The following AKAP12 variants were observed in gnomAD, a reference collection of about 807,000 sequenced individuals.
The protein encoded by AKAP12 is A-kinase anchoring protein 12.
AKAP12 carries 32 observed loss-of-function variants against 79.9 expected under a neutral mutation model. That is an observed-to-expected ratio of 0.40 (90% CI 0.30 to 0.54). AKAP12 has a LOEUF of 0.54. Ranked by LOEUF, AKAP12 falls within the 20% of genes least tolerant of loss-of-function variation. The probability of loss-of-function intolerance (pLI) is 0.48; values close to 1 mark genes in which losing one functional copy is unlikely to be tolerated. For missense variants in AKAP12, 2,074 were observed against 2,177.0 expected (o/e 0.95, Z 0.94); for synonymous variants, 808 against 857.0 (o/e 0.94, Z 1.00).
At chr6:151,325,621 G>T (rs1040433393) in intron 3 of AKAP12, 6 of 1,371,756 alleles carry the variant, frequency 4.4e-6, no homozygotes, top group Admixed American at 3.2e-5. Context: ...GTGGCTGGGT[G>T]GGGGCGTGGG....
chr6:151,321,912 T>TGTTTTTTG, intron 3 of AKAP12, among the ~76,000 whole-genome samples: 1 of 143,470 alleles, frequency 7.0e-6, no homozygotes, highest in South Asian at 2.2e-4. Context: ...TGTTTTTTTT[T>TGTTTTTTG]TTTTTTTTTT....
In AKAP12 at chr6:151,349,575, A is replaced by C. The variant is rs762093745; in HGVS notation, c.1184A>C (p.Lys395Thr). 3.1e-5 allele frequency: 50 copies of C among 1,610,946 alleles called. No homozygotes were observed. The highest frequency in any genetic ancestry group is 3.8e-5 in the Non-Finnish European group (45 of 1,179,176). The stretch of plus-strand genomic sequence containing the variant: ...GGCTCGCAGGGACCTTCTGAAGAGA[A>C]ACCTGCTCCGTTGGCGACAGAAGTG... ...VSGSQGPSEEKPAPLATEVFD... is the reference protein window; with the variant it reads ...VSGSQGPSEETPAPLATEVFD... The change falls in exon 4 of 5, where the codon AAA becomes ACA. Residue 395 changes from lysine to threonine, a missense_variant. Transcript: ENST00000402676.
intron 3 of AKAP12, chr6:151,343,886 GAACAAATAGA>G: frequency 2.3e-6 from 1 of 432,358 alleles, no homozygotes; most frequent in Non-Finnish European, 4.4e-6. Flanking sequence ...TTTATAATAG[GAACAAATAGA>G]AACTTAAAGC....
At chr6:151,345,926 TGTGTGTGAGAGAGA>T (rs1778087540) in intron 3 of AKAP12, among the ~76,000 whole-genome samples, 2 of 107,492 alleles carry the variant, frequency 1.9e-5, no homozygotes, top group South Asian at 5.6e-4. Flanking sequence ...TGTGTGTGTG[TGTGTGTGAGAGAGA>T]GAGAGAGAGA....
intron 3 of AKAP12, among the ~76,000 whole-genome samples, chr6:151,332,718 AC>A (rs1777706981): frequency 1.3e-5 from 2 of 152,174 alleles, no homozygotes; most frequent in Admixed American, 6.5e-5. Context: ...AAGACCAGTG[AC>A]TAGCAGGACA....
rs1797045656 is a variant in AKAP12, at chr6:151,245,135, T to A, written c.162+4411T>A. 2.0e-5 allele frequency among the ~76,000 whole-genome samples: 3 copies of A among 152,208 alleles called. No homozygotes were observed. The South Asian group carries it at 6.2e-4, about 32-fold the overall frequency. ...CTAATAAATTATTTATTTTCCTTTG[T>A]CTTAGTTAGTTTTAATACATATTCA... On this transcript the variant is annotated intron_variant, in intron 2 of 4. Coordinates refer to ENST00000402676, the MANE Select transcript of AKAP12 (RefSeq NM_005100.4).
chr6:151,300,610 TCTC>T (rs780624192), intron 2 of AKAP12, among the ~76,000 whole-genome samples: 6 of 152,166 alleles, frequency 3.9e-5, no homozygotes, highest in Non-Finnish European at 7.3e-5. Flanking sequence ...GATGGAGAAG[TCTC>T]CTAGTTTTTC....
intron 3 of AKAP12, among the ~76,000 whole-genome samples, chr6:151,310,908 AC>A (rs1334780115): frequency 6.6e-6 from 1 of 152,120 alleles, no homozygotes; most frequent in African/African-American, 2.4e-5. Context: ...CTTTTCTCCA[AC>A]CTTCACAGGT....
intron 3 of AKAP12, among the ~76,000 whole-genome samples, chr6:151,346,711 A>T (rs1778111374): frequency 6.6e-6 from 1 of 152,150 alleles, no homozygotes; most frequent in African/African-American, 2.4e-5. Context: ...AGTAATGTGT[A>T]TGTTGGTATT....
chr6:151,349,409 G>A lies in AKAP12; in HGVS notation c.1018G>A (p.Asp340Asn). The A allele has an allele frequency of 1.2e-6, 2 of 1,613,292 alleles. No homozygotes were observed. Among genetic ancestry groups the A allele is most frequent in the Non-Finnish European group, 1.7e-6 (2 of 1,179,830 alleles). ...GCCAGAAAAAGTAGACACAGAAGAA[G>A]ACGGAAAGGCAGAGGTTGCCTCCGA... The part of the protein sequence containing the change: ...QEPEKVDTEE[D>N]GKAEVASEKL... Residue 340 changes from aspartate to asparagine, a missense_variant, in exon 4 of 5, where the codon GAC becomes AAC. Around this residue, in one of 3 missense-constraint regions of AKAP12, gnomAD observed 1,428 missense variants for 1,451.0 expected, o/e 0.98. Coordinates refer to ENST00000402676, the MANE Select transcript of AKAP12 (RefSeq NM_005100.4).
At chr6:151,258,108 T>C (rs190186031) in intron 2 of AKAP12, among the ~76,000 whole-genome samples, 15 of 152,292 alleles carry the variant, frequency 9.8e-5, no homozygotes, top group African/African-American at 2.2e-4. Flanking sequence ...CCAGAGACAA[T>C]TGGACTACTG....
At chr6:151,255,256 C>T (rs980223327) in intron 2 of AKAP12, among the ~76,000 whole-genome samples, 4 of 152,016 alleles carry the variant, frequency 2.6e-5, no homozygotes, top group Admixed American at 6.5e-5. Flanking sequence ...ACCTCTGCCT[C>T]CCGGGTTCAA....
Position 151,351,568 on chromosome 6 carries a change from C to T in AKAP12, c.3177C>T (p.Thr1059=), listed in dbSNP as rs201622303. 24 of 1,613,922 alleles carry T rather than the reference C, an allele frequency of 1.5e-5. No homozygotes were observed. In the East Asian group the frequency reaches 1.6e-4, roughly 10 times the overall value. ...AAGAGGAATCCCAGCTGCCTGGCACCGGTGGGCCAGAAGATGTGCTTCAGC... is the reference window on the plus strand; with the variant it reads ...AAGAGGAATCCCAGCTGCCTGGCACTGGTGGGCCAGAAGATGTGCTTCAGC... ...KVKEESQLPG[T]GGPEDVLQPV... is the part of the protein sequence containing the mutation. Residue 1059 remains threonine (T), a synonymous_variant, in exon 4 of 5, where the codon ACC becomes ACT. Coordinates refer to ENST00000402676, the MANE Select transcript of AKAP12 (RefSeq NM_005100.4). This position sits in a 1 kb window ranked among gnomAD's most constrained non-coding sequence, Gnocchi z 4.4.
chr6:151,302,626 C>T (rs1776886727), intron 2 of AKAP12, among the ~76,000 whole-genome samples: 1 of 151,738 alleles, frequency 6.6e-6, no homozygotes, highest in Non-Finnish European at 1.5e-5. Flanking sequence ...ACCCTAAACT[C>T]TATAGAACTT....
intron 2 of AKAP12, among the ~76,000 whole-genome samples, chr6:151,259,029 C>G (rs1797357933): frequency 6.7e-6 from 1 of 148,888 alleles, no homozygotes; most frequent in South Asian, 2.1e-4. Flanking sequence ...TATATTTATA[C>G]AAAATAAATA....
intron 3 of AKAP12, among the ~76,000 whole-genome samples, chr6:151,322,021 T>C (rs1043488075): frequency 1.6e-4 from 24 of 151,602 alleles, no homozygotes; most frequent in African/African-American, 5.6e-4. Context: ...GCAATTCTTG[T>C]GCTTCAGCCT....
At chr6:151,337,524 A>AAAAAAAAAAAAAG (rs535027217) in intron 3 of AKAP12, among the ~76,000 whole-genome samples, 71 of 129,752 alleles carry the variant, frequency 5.5e-4, no homozygotes, top group African/African-American at 8.6e-4. Flanking sequence ...AAAAAAAAAA[A>AAAAAAAAAAAAAG]AAAGAAAGAA....
chr6:151,254,331 C>T (rs768064172), intron 2 of AKAP12, among the ~76,000 whole-genome samples: 1 of 151,030 alleles, frequency 6.6e-6, no homozygotes, highest in African/African-American at 2.4e-5. Flanking sequence ...TTAGTCTGAA[C>T]TCAGTTTGAT....
chr6:151,344,494 C>CT (rs1480946180), intron 3 of AKAP12, among the ~76,000 whole-genome samples: 2 of 150,872 alleles, frequency 1.3e-5, no homozygotes, highest in African/African-American at 4.8e-5. Context: ...CTTGCCCTGA[C>CT]TTGGTTGGGT....
Sources: allele counts gnomAD v4.1 joint callset (sites outside exome capture counted in the v4.1 genomes callset), GRCh38; gene constraint gnomAD v4.1.1; regional missense constraint gnomAD v4.1.1; non-coding constraint Gnocchi (gnomAD v3.1); transcripts MANE v1.5; gene names NCBI Gene and HGNC (gene_info 2026-07-23, HGNC 2026-07-21).